Variants in STK38 observed in about 807,000 individuals in gnomAD.
STK38 encodes serine/threonine kinase 38.
Under a neutral mutation model 59.0 loss-of-function variants are expected in STK38, and 26 were observed. That is an observed-to-expected ratio of 0.44 (90% CI 0.32 to 0.61). The LOEUF (loss-of-function observed/expected upper bound fraction) is 0.61, where lower values mean the gene tolerates loss of function less well. STK38 is among the 20% of genes least tolerant of loss of function. STK38 has a pLI of 0.04. For missense variants in STK38, 433 were observed against 566.0 expected (o/e 0.76, Z 2.38); for synonymous variants, 175 against 176.6 (o/e 0.99, Z 0.07).
chr6:36,536,424 T>C (rs1467443667), intron 2 of STK38, among the ~76,000 whole-genome samples: 1 of 152,148 alleles, frequency 6.6e-6, no homozygotes, highest in Non-Finnish European at 1.5e-5. Context: ...TCCAGCACTC[T>C]GGGAGGCTGA....
At chr6:36,542,549 G>A (rs888285009) in intron 1 of STK38, among the ~76,000 whole-genome samples, 1 of 152,186 alleles carries the variant, frequency 6.6e-6, no homozygotes, top group Admixed American at 6.5e-5. Context: ...TCCAAAGGCT[G>A]AGGCAGAATT....
chr6:36,527,304 A>ATATG (rs1419475683), intron 2 of STK38, among the ~76,000 whole-genome samples: 1 of 136,988 alleles, frequency 7.3e-6, no homozygotes, highest in African/African-American at 2.8e-5. Context: ...ACATATGTAT[A>ATATG]TACGTATATA....
chr6:36,509,313 A>G (rs1227410861), intron 7 of STK38, among the ~76,000 whole-genome samples: 2 of 152,200 alleles, frequency 1.3e-5, no homozygotes, highest in African/African-American at 4.8e-5. Flanking sequence ...CAGTGCAGAA[A>G]AGACCCAGAG....
intron 7 of STK38, among the ~76,000 whole-genome samples, chr6:36,510,003 A>C (rs528546966): frequency 6.6e-6 from 1 of 152,276 alleles, no homozygotes; most frequent in East Asian, 1.9e-4. Flanking sequence ...CAGGCCCGGA[A>C]AAACCACCGC....
At chr6:36,544,770 G>C (rs1778020434) in intron 1 of STK38, among the ~76,000 whole-genome samples, 5 of 152,170 alleles carry the variant, frequency 3.3e-5, no homozygotes, top group Admixed American at 3.3e-4. Context: ...TACTCAGGAG[G>C]CTGAGGTGGG....
chr6:36,507,387 C>A (rs140894050), intron 8 of STK38, 113 bp downstream of exon 8: 1 of 876,684 alleles, frequency 1.1e-6, no homozygotes, highest in East Asian at 2.5e-5. Flanking sequence ...TATTTTTATT[C>A]TCTACATACT....
At chr6:36,536,358 C>T (rs1777790307) in intron 2 of STK38, among the ~76,000 whole-genome samples, 1 of 152,006 alleles carries the variant, frequency 6.6e-6, no homozygotes. Flanking sequence ...AGGAGAAAAT[C>T]CTTATGACTT....
At chr6:36,502,937 A>G (rs1270112994) in intron 9 of STK38, among the ~76,000 whole-genome samples, 1 of 152,212 alleles carries the variant, frequency 6.6e-6, no homozygotes, top group East Asian at 1.9e-4. Flanking sequence ...CACTGTCACA[A>G]GTAGCTGTTC....
At position 36,502,040 on chromosome 6, in the gene STK38, AC is replaced by A. The variant is rs566245345; in HGVS notation, c.835-2051del. Among the ~76,000 whole-genome samples the A allele has an allele frequency of 1.0e-3, 152 of 151,738 alleles. 1 individual carries two copies. The highest frequency in any genetic ancestry group is 3.6e-3 in the African/African-American group (148 of 41,340). ...AAGTAGTTAGTCCCTATTTAAACCA[AC>A]CCCGGTGGGGATTAGCTTCTGGTAC... On this transcript the variant is annotated intron_variant, in intron 9 of 13. Transcript: ENST00000229812.
intron 2 of STK38, among the ~76,000 whole-genome samples, chr6:36,531,192 G>T (rs1051229982): frequency 1.3e-5 from 2 of 152,140 alleles, no homozygotes; most frequent in African/African-American, 4.8e-5. Context: ...ACCAAATGAG[G>T]AATTTCTCCA....
intron 2 of STK38, among the ~76,000 whole-genome samples, chr6:36,530,672 CCTTTTTTT>C (rs1212159697): frequency 2.7e-5 from 4 of 148,592 alleles, no homozygotes; most frequent in African/African-American, 9.9e-5. Flanking sequence ...CGGCCTTTTT[CCTTTTTTT>C]CTTTTCTTTT....
intron 2 of STK38, among the ~76,000 whole-genome samples, chr6:36,531,789 G>C (rs910849236): frequency 2.0e-5 from 3 of 152,148 alleles, no homozygotes; most frequent in African/African-American, 7.2e-5. Flanking sequence ...CATATTTTAT[G>C]TTTACACAGG....
At chr6:36,517,063 A>G (rs1777272415) in intron 6 of STK38, among the ~76,000 whole-genome samples, 1 of 152,178 alleles carries the variant, frequency 6.6e-6, no homozygotes, top group African/African-American at 2.4e-5. Context: ...TCACAAAATC[A>G]AAATATTATG....
At chr6:36,534,948 AT>A (rs1561991295) in intron 2 of STK38, among the ~76,000 whole-genome samples, 1 of 152,184 alleles carries the variant, frequency 6.6e-6, no homozygotes. Flanking sequence ...TTAAAAAAAA[AT>A]CTAGACTAAT....
At chr6:36,526,966 G>A (rs1032377971) in intron 2 of STK38, among the ~76,000 whole-genome samples, 10 of 151,088 alleles carry the variant, frequency 6.6e-5, no homozygotes, top group African/African-American at 1.9e-4. Context: ...GGCTGAGGAG[G>A]GTGGATCATA....
intron 2 of STK38, among the ~76,000 whole-genome samples, chr6:36,535,969 C>T (rs374284024): frequency 1.3e-5 from 2 of 151,348 alleles, no homozygotes; most frequent in Non-Finnish European, 2.9e-5. Context: ...GCAAAGAACA[C>T]AGAATACTCA....
chr6:36,504,604 C>T (rs1177633944), intron 9 of STK38, among the ~76,000 whole-genome samples: 1 of 152,068 alleles, frequency 6.6e-6, no homozygotes, highest in Non-Finnish European at 1.5e-5. Flanking sequence ...CCCATTTCTA[C>T]TGTATATAGT....
chr6:36,518,803 G>A (rs1777316220), intron 5 of STK38, among the ~76,000 whole-genome samples: 1 of 152,202 alleles, frequency 6.6e-6, no homozygotes, highest in Non-Finnish European at 1.5e-5. Flanking sequence ...TCCAATCCCT[G>A]AATAGTGGTT....
Position 36,524,461 on chromosome 6 carries a change from T to C in STK38, c.186A>G (p.Lys62=). ...MEEEGLKDEE[K]RLRRSAHARK... ...GAGCATGTGCTGATCTCCGGAGTCG[T>C]TTCTAATATTTAAATAAAAAAGGGA... The change falls in exon 4 of 14, where the codon AAA becomes AAG. Residue 62 remains lysine, a splice_region_variant and synonymous_variant. Coordinates refer to ENST00000229812, the MANE Select transcript of STK38 (RefSeq NM_007271.4). 2 of 1,589,634 alleles carry C rather than the reference T, an allele frequency of 1.3e-6. No homozygotes were observed. The highest frequency in any genetic ancestry group is 1.7e-6 in the Non-Finnish European group (2 of 1,173,344).
Sources: gnomAD v4.1 joint callset for allele counts (sites outside exome capture counted in the v4.1 genomes callset) on GRCh38, gnomAD v4.1.1 for gene constraint, MANE v1.5 for transcripts, NCBI Gene and HGNC (gene_info 2026-07-23, HGNC 2026-07-21) for gene names.